The following CSTF3 variants were observed in gnomAD, a reference collection of about 807,000 sequenced individuals.
The protein encoded by CSTF3 is cleavage stimulation factor subunit 3.
CSTF3 carries 29 observed loss-of-function variants against 105.8 expected under a neutral mutation model. The ratio of observed to expected loss-of-function variants is 0.27; its 90% CI spans 0.20 to 0.37. The LOEUF (loss-of-function observed/expected upper bound fraction) is 0.37, where lower values mean the gene tolerates loss of function less well. Ranked by LOEUF, CSTF3 falls within the 10% of genes least tolerant of loss-of-function variation. The pLI is 1.00. For missense variants in CSTF3, 357 were observed against 879.3 expected, an observed-to-expected ratio of 0.41 and a Z score of 7.51; for synonymous variants, 252 against 281.9, an observed-to-expected ratio of 0.89 and a Z score of 1.06.
chr11:33,159,538 G>T (rs1329000752), intron 1 of CSTF3, among the ~76,000 whole-genome samples: 3 of 133,676 alleles, frequency 2.2e-5, no homozygotes, highest in African/African-American at 5.6e-5. Flanking sequence ...GGAGGCTGCA[G>T]TAAGGCGAAA....
intron 1 of CSTF3, 88 bp downstream of exon 1, chr11:33,161,211 C>T: frequency 1.3e-6 from 2 of 1,484,160 alleles, no homozygotes; most frequent in East Asian, 2.3e-5. Context: ...AGACCCAATT[C>T]CTTCCTCAGC....
chr11:33,142,884 G>A (rs1233181699), intron 1 of CSTF3, among the ~76,000 whole-genome samples: 1 of 152,148 alleles, frequency 6.6e-6, no homozygotes, highest in East Asian at 1.9e-4. Context: ...AGATCATACA[G>A]ATGCTGAAAA....
intron 10 of CSTF3, among the ~76,000 whole-genome samples, chr11:33,101,257 C>T (rs540237782): frequency 6.6e-6 from 1 of 152,290 alleles, no homozygotes; most frequent in African/African-American, 2.4e-5. Flanking sequence ...AAAGCCAGAT[C>T]CCGAAAATCT....
intron 3 of CSTF3, among the ~76,000 whole-genome samples, chr11:33,122,143 GTTGGA>G (rs1855495979): frequency 6.6e-6 from 1 of 152,198 alleles, no homozygotes; most frequent in Non-Finnish European, 1.5e-5. Flanking sequence ...GAGATACATT[GTTGGA>G]TAGCAAAGTG....
At chr11:33,097,433 G>A (rs143988222) in intron 13 of CSTF3, among the ~76,000 whole-genome samples, 22 of 152,060 alleles carry the variant, frequency 1.4e-4, no homozygotes, top group Middle Eastern at 3.4e-3. Flanking sequence ...GCAGTGGTGC[G>A]ATCTTGGCTC....
chr11:33,113,076 G>A lies in CSTF3; in HGVS notation c.226-4658C>T, dbSNP rs554370506. On this transcript the variant is annotated intron_variant, in intron 3 of 20. Coordinates refer to ENST00000323959, the MANE Select transcript of CSTF3 (RefSeq NM_001326.3). ...TATAAAATTAGCTGGGCATGGTGGC[G>A]CATGCCTGTAGTCCCAGCTACTCGG... Among the ~76,000 whole-genome samples, 220 of 151,962 alleles carry A rather than the reference G, an allele frequency of 1.4e-3. 1 individual carries two copies. The highest frequency in any genetic ancestry group is 4.8e-3 in the South Asian group (23 of 4,814).
At chr11:33,153,812 T>C (rs1368609144) in intron 1 of CSTF3, among the ~76,000 whole-genome samples, 2 of 151,188 alleles carry the variant, frequency 1.3e-5, no homozygotes, top group Non-Finnish European at 1.5e-5. Flanking sequence ...TAAGTTAAAG[T>C]AGGGATCAGT....
intron 18 of CSTF3, 138 bp downstream of exon 18, chr11:33,086,850 C>T: frequency 1.0e-6 from 1 of 987,746 alleles, no homozygotes; most frequent in Non-Finnish European, 1.6e-6. Context: ...AAGATTAAAG[C>T]TAAATCACTT....
intron 18 of CSTF3, 50 bp downstream of exon 18, chr11:33,086,938 A>G (rs1270648040): frequency 1.2e-6 from 2 of 1,611,180 alleles, no homozygotes; most frequent in African/African-American, 1.3e-5. Context: ...TTGGATTTAA[A>G]TCAACAAACA....
intron 3 of CSTF3, 47 bp from the exon 4 acceptor site, chr11:33,108,465 C>T (rs891086856): frequency 1.5e-6 from 2 of 1,345,912 alleles, no homozygotes; most frequent in East Asian, 2.9e-5. Flanking sequence ...TTTTTTAGAG[C>T]ATCAGTCTGA....
chr11:33,140,225 G>T (rs1855696205), intron 3 of CSTF3, among the ~76,000 whole-genome samples: 1 of 152,022 alleles, frequency 6.6e-6, no homozygotes, highest in African/African-American at 2.4e-5. Context: ...TTAATACAAA[G>T]CAGCACGGGC....
At chr11:33,133,126 A>C (rs1311305481) in intron 3 of CSTF3, among the ~76,000 whole-genome samples, 1 of 152,190 alleles carries the variant, frequency 6.6e-6, no homozygotes, top group African/African-American at 2.4e-5. Flanking sequence ...AAATGAAAAA[A>C]ATCATGGTAG....
chr11:33,131,595 C>T (rs1307487386), intron 3 of CSTF3, among the ~76,000 whole-genome samples: 1 of 152,104 alleles, frequency 6.6e-6, no homozygotes, highest in Non-Finnish European at 1.5e-5. Context: ...GCCTGTAATC[C>T]CCGCACTTTG....
chr11:33,122,380 A>G (rs962017206), intron 3 of CSTF3, among the ~76,000 whole-genome samples: 11 of 152,178 alleles, frequency 7.2e-5, no homozygotes, highest in African/African-American at 2.4e-4. Context: ...TGTAATGTGA[A>G]TCAAGATTTT....
chr11:33,090,102 C>A (rs1431817662), intron 17 of CSTF3, among the ~76,000 whole-genome samples: 1 of 152,166 alleles, frequency 6.6e-6, no homozygotes, highest in Non-Finnish European at 1.5e-5. Context: ...TGTAATATTT[C>A]TTCATTATAT....
At chr11:33,121,002 G>T (rs1042653169) in intron 3 of CSTF3, among the ~76,000 whole-genome samples, 10 of 152,034 alleles carry the variant, frequency 6.6e-5, no homozygotes, top group Admixed American at 2.0e-4. Flanking sequence ...TATGGATTTT[G>T]AAAGTTAGAT....
chr11:33,116,288 G>A (rs769909381), intron 3 of CSTF3, among the ~76,000 whole-genome samples: 49 of 152,236 alleles, frequency 3.2e-4, no homozygotes, highest in Admixed American at 1.8e-3. Context: ...ATGTGGACCT[G>A]AACTATTAAA....
At chr11:33,103,815 G>A (rs1855302555) in intron 8 of CSTF3, among the ~76,000 whole-genome samples, 1 of 152,008 alleles carries the variant, frequency 6.6e-6, no homozygotes, top group African/African-American at 2.4e-5. Context: ...GAATAGCCAT[G>A]GCTTGACTTT....
At chr11:33,114,360 G>A (rs1036326723) in intron 3 of CSTF3, among the ~76,000 whole-genome samples, 30 of 151,978 alleles carry the variant, frequency 2.0e-4, no homozygotes, top group African/African-American at 7.2e-4. Context: ...TGTAAGTGCC[G>A]ACAAAATTCA....
Sources: allele counts gnomAD v4.1 joint callset (sites outside exome capture counted in the v4.1 genomes callset), GRCh38; gene constraint gnomAD v4.1.1; transcripts MANE v1.5; gene names NCBI Gene and HGNC (gene_info 2026-07-23, HGNC 2026-07-21).